Variants in ZMAT4 observed in about 807,000 individuals in gnomAD.
The protein encoded by ZMAT4 is zinc finger matrin-type 4.
Under a neutral mutation model 28.7 loss-of-function variants are expected in ZMAT4, and 17 were observed. That is an observed-to-expected ratio of 0.59 (90% CI 0.41 to 0.89). The LOEUF (loss-of-function observed/expected upper bound fraction) is 0.89. Among genes scored for constraint, ZMAT4 ranks in the 40% least tolerant of loss-of-function variants. The pLI is 0.00. For missense variants in ZMAT4, 240 were observed against 283.8 expected, an observed-to-expected ratio of 0.85 and a Z score of 1.11; for synonymous variants, 117 against 109.2, an observed-to-expected ratio of 1.07 and a Z score of -0.44.
intron 5 of ZMAT4, among the ~76,000 whole-genome samples, chr8:40,634,350 T>C (rs1806714384): frequency 6.6e-6 from 1 of 152,208 alleles, no homozygotes; most frequent in East Asian, 1.9e-4. Context: ...CTGATTCCTC[T>C]GTGTATCTAA....
intron 5 of ZMAT4, among the ~76,000 whole-genome samples, chr8:40,629,475 A>G (rs1806493562): frequency 6.6e-6 from 1 of 151,712 alleles, no homozygotes; most frequent in African/African-American, 2.4e-5. Context: ...TTACATATGT[A>G]TACATGTGCC....
Position 40,780,748 on chromosome 8 carries a change from A to G in ZMAT4, c.103-13018T>C, listed in dbSNP as rs77297786. 5.6e-4 allele frequency among the ~76,000 whole-genome samples: 86 copies of G among 152,374 alleles called. 1 individual carries two copies. In the East Asian group the frequency reaches 0.016, roughly 28 times the overall value. Reference sequence around the variant, plus strand: ...TTATTGGTTTAATAGATGAAAACCCATTAATGTAATGTACCACATTTATAG... The same window carrying G: ...TTATTGGTTTAATAGATGAAAACCCGTTAATGTAATGTACCACATTTATAG... On this transcript the variant is annotated intron_variant, in intron 2 of 6. Transcript: ENST00000297737.
At chr8:40,758,518 A>T (rs1419769982) in intron 3 of ZMAT4, among the ~76,000 whole-genome samples, 1 of 152,214 alleles carries the variant, frequency 6.6e-6, no homozygotes, top group African/African-American at 2.4e-5. Flanking sequence ...GTTATTAAGG[A>T]CCCTTAACCA....
intron 5 of ZMAT4, among the ~76,000 whole-genome samples, chr8:40,591,635 C>T (rs1316210189): frequency 6.6e-6 from 1 of 152,184 alleles, no homozygotes; most frequent in Non-Finnish European, 1.5e-5. Context: ...ACAAAGACTG[C>T]CTCACCAGCT....
At chr8:40,842,984 C>T (rs1341868078) in intron 1 of ZMAT4, among the ~76,000 whole-genome samples, 1 of 152,140 alleles carries the variant, frequency 6.6e-6, no homozygotes, top group Non-Finnish European at 1.5e-5. Context: ...GCCATGTTGG[C>T]TAGGCTGGTC....
chr8:40,783,777 G>A (rs1443010152), intron 2 of ZMAT4, among the ~76,000 whole-genome samples: 1 of 152,116 alleles, frequency 6.6e-6, no homozygotes, highest in Admixed American at 6.5e-5. Context: ...TTGGAAGGCC[G>A]AGGTGGGCGG....
intron 1 of ZMAT4, among the ~76,000 whole-genome samples, chr8:40,843,595 C>A (rs1360403240): frequency 6.6e-6 from 1 of 152,186 alleles, no homozygotes; most frequent in Admixed American, 6.5e-5. Flanking sequence ...ATATTTTGGG[C>A]TTTTATCTCC....
rs190733224 is a variant in ZMAT4 at position 40,693,653 on chromosome 8, T to C, written c.349+3592A>G. Reference sequence around the variant, plus strand: ...AATATTTTAGGCTTTGTGACCTGGATCATCCCTGTTATAACAACTCACTTC... The same window carrying C: ...AATATTTTAGGCTTTGTGACCTGGACCATCCCTGTTATAACAACTCACTTC... On this transcript the variant is annotated intron_variant, in intron 4 of 6. Transcript: ENST00000297737. Among the ~76,000 whole-genome samples the C allele has an allele frequency of 4.6e-5, 7 of 152,330 alleles. No homozygotes were observed. The East Asian group carries it at 1.4e-3, about 29-fold the overall frequency.
chr8:40,719,311 C>A (rs1036939544), intron 3 of ZMAT4, among the ~76,000 whole-genome samples: 2 of 152,056 alleles, frequency 1.3e-5, no homozygotes, highest in African/African-American at 4.8e-5. Flanking sequence ...GGCGTGGTGG[C>A]AGGTGCCTGT....
chr8:40,881,445 A>AAGAG (rs1818227806), intron 1 of ZMAT4, among the ~76,000 whole-genome samples: 2 of 111,868 alleles, frequency 1.8e-5, no homozygotes, highest in Admixed American at 1.8e-4. Context: ...GAAAGAAAGA[A>AAGAG]AGAAAGAAAG....
chr8:40,746,222 TCC>T (rs1812209344), intron 3 of ZMAT4, among the ~76,000 whole-genome samples: 1 of 972 alleles, frequency 1.0e-3, no homozygotes, highest in Non-Finnish European at 3.8e-3. Context: ...CTTCCCTCCT[TCC>T]CTCCCTCCCT....
At chr8:40,887,383 G>C (rs1328463135) in intron 1 of ZMAT4, among the ~76,000 whole-genome samples, 1 of 151,430 alleles carries the variant, frequency 6.6e-6, no homozygotes, top group Non-Finnish European at 1.5e-5. Flanking sequence ...CAGCTACTCG[G>C]GAGGCTGAGA....
At chr8:40,810,139 A>G (rs532373876) in intron 2 of ZMAT4, among the ~76,000 whole-genome samples, 5 of 152,318 alleles carry the variant, frequency 3.3e-5, no homozygotes, top group African/African-American at 1.2e-4. Flanking sequence ...TGTATATAAT[A>G]TATATGCATG....
intron 5 of ZMAT4, among the ~76,000 whole-genome samples, chr8:40,595,985 G>A (rs563746871): frequency 6.6e-6 from 1 of 152,260 alleles, no homozygotes; most frequent in South Asian, 2.1e-4. Flanking sequence ...TAAGGAGGTT[G>A]AGGCAGGAGA....
intron 5 of ZMAT4, among the ~76,000 whole-genome samples, chr8:40,651,022 A>G (rs2118815060): frequency 6.6e-6 from 1 of 151,594 alleles, no homozygotes; most frequent in Non-Finnish European, 1.5e-5. Context: ...GGCACAAGAC[A>G]GGGATGCCCT....
At chr8:40,537,844 T>A (rs762839813) in intron 6 of ZMAT4, among the ~76,000 whole-genome samples, 1 of 152,122 alleles carries the variant, frequency 6.6e-6, no homozygotes, top group Non-Finnish European at 1.5e-5. Context: ...ATCCACAACA[T>A]CACAACCTGA....
chr8:40,559,760 AAC>A (rs1443371387), intron 6 of ZMAT4, among the ~76,000 whole-genome samples: 1 of 152,036 alleles, frequency 6.6e-6, no homozygotes, highest in African/African-American at 2.4e-5. Flanking sequence ...CAAACACAAA[AAC>A]ACACACACAT....
rs540260596 is a variant in ZMAT4 at position 40,733,874 on chromosome 8, G to A, written c.192+33767C>T. ...GGTATTCCAGGAATACTCTGAGTAA[G>A]ACACATCCTTGCCCTGAAGGTGCTG... On this transcript the variant is annotated intron_variant, in intron 3 of 6. Coordinates refer to ENST00000297737, the MANE Select transcript of ZMAT4 (RefSeq NM_024645.3). Among the ~76,000 whole-genome samples the A allele has an allele frequency of 1.2e-4, 18 of 152,210 alleles. No homozygotes were observed. In the South Asian group the frequency reaches 3.7e-3, roughly 32 times the overall value.
chr8:40,780,514 C>T (rs753167135), intron 2 of ZMAT4, among the ~76,000 whole-genome samples: 1 of 152,062 alleles, frequency 6.6e-6, no homozygotes, highest in Non-Finnish European at 1.5e-5. Flanking sequence ...TGTTTTAGTC[C>T]GGAGCACCGA....
Sources: allele counts gnomAD v4.1 joint callset (sites outside exome capture counted in the v4.1 genomes callset), GRCh38; gene constraint gnomAD v4.1.1; transcripts MANE v1.5; gene names NCBI Gene and HGNC (gene_info 2026-07-23, HGNC 2026-07-21).